The following IDH2 variants were observed in gnomAD, a reference collection of about 807,000 sequenced individuals.
The protein encoded by IDH2 is isocitrate dehydrogenase (NADP(+)) 2, also known as isocitrate dehydrogenase [NADP], mitochondrial.
Under a neutral mutation model 50.5 loss-of-function variants are expected in IDH2, and 18 were observed. The observed-to-expected ratio is 0.36, with a 90% CI of 0.25 to 0.53. IDH2 has a LOEUF of 0.53. IDH2 is among the 20% of genes least tolerant of loss of function. The pLI is 0.92. For missense variants in IDH2, 518 were observed against 610.7 expected, an observed-to-expected ratio of 0.85 and a Z score of 1.60; for synonymous variants, 280 against 239.8, an observed-to-expected ratio of 1.17 and a Z score of -1.55.
intron 5 of IDH2, 129 bp from the exon 6 acceptor site, chr15:90,087,704 C>T (rs1900901834): frequency 1.0e-6 from 1 of 1,002,912 alleles, no homozygotes; most frequent in South Asian, 1.3e-5. Context: ...TGTTTAACAC[C>T]AGCCTCCGTG....
intron 5 of IDH2, 149 bp downstream of exon 5, chr15:90,088,210 G>T: frequency 9.6e-7 from 1 of 1,036,328 alleles, no homozygotes; most frequent in Non-Finnish European, 1.5e-6. Context: ...GGGATTACAA[G>T]TGTCAGCCAC....
At chr15:90,087,914 T>G (rs1242464141) in intron 5 of IDH2, among the ~76,000 whole-genome samples, 7 of 150,534 alleles carry the variant, frequency 4.7e-5, no homozygotes, top group Admixed American at 4.0e-4. Flanking sequence ...GTTGACAGTG[T>G]GTCCCTGGCT....
chr15:90,091,107 T>A (rs773763947), intron 2 of IDH2, among the ~76,000 whole-genome samples: 3 of 152,196 alleles, frequency 2.0e-5, no homozygotes, highest in African/African-American at 7.2e-5. Flanking sequence ...TGGACATACA[T>A]AGACCACGGC....
intron 1 of IDH2, among the ~76,000 whole-genome samples, chr15:90,099,613 C>G (rs909621796): frequency 6.6e-6 from 1 of 152,066 alleles, no homozygotes; most frequent in Non-Finnish European, 1.5e-5. Flanking sequence ...CACCATCGTG[C>G]CTGGCTAATT....
At chr15:90,097,460 C>T (rs1010134769) in intron 1 of IDH2, among the ~76,000 whole-genome samples, 6 of 152,206 alleles carry the variant, frequency 3.9e-5, no homozygotes, top group African/African-American at 1.4e-4. Flanking sequence ...CTGTTATCTA[C>T]ATACAATGGA....
intron 3 of IDH2, among the ~76,000 whole-genome samples, chr15:90,089,550 C>T (rs1194291373): frequency 1.3e-5 from 2 of 152,218 alleles, no homozygotes; most frequent in Admixed American, 1.3e-4. Context: ...GGATACACAA[C>T]TCCCAAGGTT....
intron 7 of IDH2, among the ~76,000 whole-genome samples, chr15:90,086,311 C>T (rs1900857505): frequency 6.6e-6 from 1 of 152,202 alleles, no homozygotes; most frequent in Non-Finnish European, 1.5e-5. Flanking sequence ...CCACACCTAC[C>T]ACCTTTCCTG....
chr15:90,091,107 T>C (rs773763947), intron 2 of IDH2, among the ~76,000 whole-genome samples: 13 of 152,196 alleles, frequency 8.5e-5, no homozygotes, highest in Non-Finnish European at 1.0e-4. Flanking sequence ...TGGACATACA[T>C]AGACCACGGC....
chr15:90,092,845 C>T (rs931245341), intron 1 of IDH2, among the ~76,000 whole-genome samples: 1 of 152,218 alleles, frequency 6.6e-6, no homozygotes, highest in African/African-American at 2.4e-5. Context: ...CCGCAAAGTG[C>T]TGGGATTACA....
Position 90,097,802 on chromosome 15 carries a change from C to CT in IDH2, c.115+4473dup, listed in dbSNP as rs552206992. Reference sequence around the variant, plus strand: ...AACAATACTGTACACTGAACAATGACTAAGATGGTAAGTTTTATACGTTTT... The same window carrying CT: ...AACAATACTGTACACTGAACAATGACTTAAGATGGTAAGTTTTATACGTTTT... On this transcript the variant is annotated intron_variant, in intron 1 of 10. Coordinates refer to ENST00000330062, the MANE Select transcript of IDH2 (RefSeq NM_002168.4). 9.2e-5 allele frequency among the ~76,000 whole-genome samples: 14 copies of CT among 152,236 alleles called. No homozygotes were observed. In the South Asian group the frequency reaches 2.9e-3, roughly 32 times the overall value.
intron 1 of IDH2, among the ~76,000 whole-genome samples, chr15:90,094,447 G>C (rs192520024): frequency 1.5e-4 from 23 of 152,334 alleles, no homozygotes; most frequent in African/African-American, 5.1e-4. Context: ...CACCAGCTCA[G>C]CTGAGAGCTG....
At chr15:90,088,199 C>A (rs140155656) in intron 5 of IDH2, among the ~76,000 whole-genome samples, 160 bp downstream of exon 5, 3 of 152,062 alleles carry the variant, frequency 2.0e-5, no homozygotes, top group Non-Finnish European at 4.4e-5. Context: ...CCCAAAATGC[C>A]GGGATTACAA....
chr15:90,084,376 A>G lies in IDH2; in HGVS notation c.1272-23T>C. On this transcript the variant is annotated intron_variant, in intron 10 of 10. Coordinates refer to ENST00000330062, the MANE Select transcript of IDH2 (RefSeq NM_002168.4). This position sits in a 1 kb window ranked among gnomAD's most constrained non-coding sequence, Gnocchi z 5.0. ...ACACTGCAGAGAGAGCACCACTCAC[A>G]TCAGGGGTGGCTCCAGGCCTTGCCA... is the stretch of plus-strand genomic sequence containing the variant. The G allele has an allele frequency of 6.2e-7, 1 of 1,606,074 alleles. No individual in the cohort carries two copies. Among genetic ancestry groups the G allele is most frequent in the African/African-American group, 1.3e-5 (1 of 74,862 alleles).
intron 3 of IDH2, 152 bp downstream of exon 3, chr15:90,090,327 C>A (rs1900999444): frequency 3.9e-6 from 3 of 765,268 alleles, no homozygotes; most frequent in African/African-American, 3.4e-5. Context: ...GCCTCAGGTG[C>A]AGTTGGCCTC....
chr15:90,088,207 C>T (rs954323438), intron 5 of IDH2, 152 bp downstream of exon 5: 1 of 1,022,154 alleles, frequency 9.8e-7, no homozygotes, highest in South Asian at 1.3e-5. Flanking sequence ...GCCGGGATTA[C>T]AAGTGTCAGC....
chr15:90,092,680 G>T (rs1231944238), intron 1 of IDH2, among the ~76,000 whole-genome samples: 2 of 152,050 alleles, frequency 1.3e-5, no homozygotes, highest in African/African-American at 4.8e-5. Flanking sequence ...GAGTTCAAGT[G>T]ATTCTCGGGC....
chr15:90,089,963 C>A (rs184296864), intron 3 of IDH2, among the ~76,000 whole-genome samples: 27 of 151,454 alleles, frequency 1.8e-4, no homozygotes, highest in African/African-American at 6.0e-4. Context: ...CTGAAGGACA[C>A]AGGCCTTACA....
intron 5 of IDH2, 86 bp from the exon 6 acceptor site, chr15:90,087,661 T>A: frequency 3.3e-6 from 5 of 1,525,502 alleles, no homozygotes; most frequent in Non-Finnish European, 4.5e-6. Context: ...AAGGCCCAGC[T>A]CTCCAGGAAC....
At chr15:90,086,837 A>G (rs1026894660) in intron 7 of IDH2, among the ~76,000 whole-genome samples, 1 of 152,106 alleles carries the variant, frequency 6.6e-6, no homozygotes, top group Non-Finnish European at 1.5e-5. Context: ...AGGCTCCATC[A>G]TGGACTGGAG....
Sources: gnomAD v4.1 joint callset for allele counts (sites outside exome capture counted in the v4.1 genomes callset) on GRCh38, gnomAD v4.1.1 for gene constraint, Gnocchi (gnomAD v3.1) non-coding constraint, MANE v1.5 for transcripts, NCBI Gene and HGNC (gene_info 2026-07-23, HGNC 2026-07-21) for gene names.